The following XYLT1 variants were observed in gnomAD, a reference collection of about 807,000 sequenced individuals.
The protein encoded by XYLT1 is beta-D-xylosyltransferase 1.
A neutral mutation model predicts 91.3 loss-of-function variants in XYLT1; 36 were observed. The ratio of observed to expected loss-of-function variants is 0.39; its 90% confidence interval spans 0.30 to 0.52. The LOEUF (loss-of-function observed/expected upper bound fraction) is 0.52, where lower values mean the gene tolerates loss of function less well. Among genes scored for constraint, XYLT1 ranks in the 20% least tolerant of loss-of-function variants. The probability of loss-of-function intolerance (pLI) is 0.68; values close to 1 mark genes in which losing one functional copy is unlikely to be tolerated. For synonymous variants in XYLT1, 588 were observed against 532.0 expected (o/e 1.11, Z -1.45); for missense variants, 1,242 against 1,284.5 (o/e 0.97, Z 0.51).
chr16:17,154,335 G>A (rs1300881667), intron 6 of XYLT1, among the ~76,000 whole-genome samples: 4 of 152,168 alleles, frequency 2.6e-5, no homozygotes, highest in African/African-American at 9.7e-5. Context: ...CTAACATGGG[G>A]GCCCTGGTGA....
rs549488631 is a variant in XYLT1 at position 17,414,962 on chromosome 16, C to G, written c.363+55472G>C. 2.0e-4 allele frequency among the ~76,000 whole-genome samples: 30 copies of G among 152,262 alleles called. No individual in the cohort carries two copies. The South Asian group carries it at 5.6e-3, about 28-fold the overall frequency. On this transcript the variant is annotated intron_variant, in intron 1 of 11. Transcript: ENST00000261381. The stretch of plus-strand genomic sequence containing the variant: ...GCCTTCTCCAAGGGAATCAGAACTG[C>G]AGACCCCCCGCAGAGAAAAACGATC...
chr16:17,286,473 G>C (rs1440610346), intron 2 of XYLT1, among the ~76,000 whole-genome samples: 4 of 152,142 alleles, frequency 2.6e-5, no homozygotes, highest in African/African-American at 9.7e-5. Flanking sequence ...AAGTATCCAC[G>C]GATCTGCACT....
At position 17,339,083 on chromosome 16, in the gene XYLT1, C is replaced by T. The variant is rs76528088; in HGVS notation, c.402+18929G>A. On this transcript the variant is annotated intron_variant, in intron 2 of 11. Transcript: ENST00000261381. The stretch of plus-strand genomic sequence containing the variant: ...CAAATCATTTAAATAATGTGGAATC[C>T]TGTGCACCACTTGACTCTGTGAGTA... Among the ~76,000 whole-genome samples the T allele has an allele frequency of 6.3e-4, 96 of 152,288 alleles. No individual in the cohort carries two copies. The East Asian group carries it at 0.015, about 24-fold the overall frequency.
At chr16:17,129,172 T>A (rs1301344739) in intron 9 of XYLT1, among the ~76,000 whole-genome samples, 1 of 150,150 alleles carries the variant, frequency 6.7e-6, no homozygotes, top group Admixed American at 6.7e-5. Flanking sequence ...ACTTTGGGAG[T>A]GGAAAGTCCA....
At chr16:17,215,757 T>C (rs1239143737) in intron 3 of XYLT1, among the ~76,000 whole-genome samples, 1 of 151,900 alleles carries the variant, frequency 6.6e-6, no homozygotes, top group East Asian at 1.9e-4. Flanking sequence ...AAAGGGCCTG[T>C]CACGAATGAT....
chr16:17,186,239 G>C (rs950173299), intron 5 of XYLT1, among the ~76,000 whole-genome samples: 6 of 152,048 alleles, frequency 3.9e-5, no homozygotes, highest in African/African-American at 9.7e-5. Flanking sequence ...GAGTATCTGG[G>C]ATTACAGGCA....
At chr16:17,303,097 C>CTCAT (rs2034421451) in intron 2 of XYLT1, among the ~76,000 whole-genome samples, 2 of 152,284 alleles carry the variant, frequency 1.3e-5, no homozygotes, top group Non-Finnish European at 1.5e-5. Flanking sequence ...CCTTGGTTTA[C>CTCAT]TCATTCATTC....
chr16:17,113,369 C>T (rs914609767), intron 11 of XYLT1, among the ~76,000 whole-genome samples: 1 of 152,000 alleles, frequency 6.6e-6, no homozygotes, highest in African/African-American at 2.4e-5. Flanking sequence ...TCTTGAACTC[C>T]TGACCTTGAG....
At chr16:17,404,375 A>G (rs922998188) in intron 1 of XYLT1, among the ~76,000 whole-genome samples, 3 of 152,210 alleles carry the variant, frequency 2.0e-5, no homozygotes, top group African/African-American at 7.2e-5. Flanking sequence ...CATACTAGCA[A>G]GCCTGCAAAG....
intron 1 of XYLT1, among the ~76,000 whole-genome samples, chr16:17,413,793 G>A (rs754074636): frequency 1.8e-4 from 28 of 152,010 alleles, no homozygotes; most frequent in Middle Eastern, 3.2e-3. Flanking sequence ...GTTCTAGCCC[G>A]TTCTTAGAGA....
At chr16:17,184,569 T>C (rs1023281683) in intron 5 of XYLT1, among the ~76,000 whole-genome samples, 4 of 152,152 alleles carry the variant, frequency 2.6e-5, no homozygotes, top group African/African-American at 9.7e-5. Flanking sequence ...TCATATCAAA[T>C]TGAAAATTTA....
At chr16:17,155,462 T>G (rs1320347735) in intron 6 of XYLT1, among the ~76,000 whole-genome samples, 1 of 152,202 alleles carries the variant, frequency 6.6e-6, no homozygotes, top group East Asian at 1.9e-4. Context: ...TAGTTTGAGC[T>G]GGGTTTCTGT....
intron 6 of XYLT1, among the ~76,000 whole-genome samples, chr16:17,147,246 T>C (rs966432244): frequency 6.6e-6 from 1 of 152,240 alleles, no homozygotes; most frequent in African/African-American, 2.4e-5. Flanking sequence ...CTCTGGCTAG[T>C]GCTAATTATA....
At chr16:17,154,369 G>C (rs944454196) in intron 6 of XYLT1, among the ~76,000 whole-genome samples, 1 of 150,276 alleles carries the variant, frequency 6.7e-6, no homozygotes, top group Non-Finnish European at 1.5e-5. Flanking sequence ...GGAGAAATTA[G>C]ATCAACCAGG....
intron 1 of XYLT1, among the ~76,000 whole-genome samples, chr16:17,429,116 A>G (rs2036356256): frequency 6.6e-6 from 1 of 152,244 alleles, no homozygotes; most frequent in Non-Finnish European, 1.5e-5. Flanking sequence ...GCAGGGGGAA[A>G]GGAGCAACAT....
intron 1 of XYLT1, among the ~76,000 whole-genome samples, chr16:17,427,485 C>T (rs1310910097): frequency 1.3e-5 from 2 of 152,134 alleles, no homozygotes; most frequent in African/African-American, 4.8e-5. Flanking sequence ...AGAGACAGAC[C>T]CTCACTGTGT....
At chr16:17,139,029 T>A (rs1325800674) in intron 7 of XYLT1, among the ~76,000 whole-genome samples, 2 of 152,192 alleles carry the variant, frequency 1.3e-5, no homozygotes, top group African/African-American at 4.8e-5. Context: ...GTGGGGCTGC[T>A]TGCTGTCCAT....
intron 2 of XYLT1, among the ~76,000 whole-genome samples, chr16:17,260,282 C>A (rs2033703675): frequency 1.3e-5 from 2 of 152,172 alleles, no homozygotes; most frequent in African/African-American, 4.8e-5. Context: ...TAAATGGGTC[C>A]TGGTTACTTT....
intron 1 of XYLT1, among the ~76,000 whole-genome samples, chr16:17,375,771 A>C (rs1433645091): frequency 1.3e-5 from 2 of 152,244 alleles, no homozygotes; most frequent in African/African-American, 4.8e-5. Flanking sequence ...TGGGACAGGC[A>C]GCCTGGAACC....
Sources: gnomAD v4.1 joint callset for allele counts (sites outside exome capture counted in the v4.1 genomes callset) on GRCh38, gnomAD v4.1.1 for gene constraint, MANE v1.5 for transcripts, NCBI Gene and HGNC (gene_info 2026-07-23, HGNC 2026-07-21) for gene names.